Variants in WDR89 observed in about 807,000 individuals in gnomAD.
WDR89 encodes the protein WD repeat-containing protein 89.
Under a neutral mutation model 29.1 loss-of-function variants are expected in WDR89, and 17 were observed. The ratio of observed to expected loss-of-function variants is 0.58; its 90% CI spans 0.40 to 0.88. The LOEUF is 0.88. Ranked by LOEUF, WDR89 falls within the 40% of genes least tolerant of loss-of-function variation. The pLI, the probability that WDR89 is intolerant of heterozygous loss-of-function variation, is 0.00. For missense variants in WDR89, 396 were observed against 456.3 expected, an observed-to-expected ratio of 0.87 and a Z score of 1.20; for synonymous variants, 138 against 157.8, an observed-to-expected ratio of 0.87 and a Z score of 0.94.
At chr14:63,640,794 A>G (rs1403124640) in intron 1 of WDR89, among the ~76,000 whole-genome samples, 1 of 149,620 alleles carries the variant, frequency 6.7e-6, no homozygotes, top group Non-Finnish European at 1.5e-5. Flanking sequence ...ACTTTAAATA[A>G]TTTCAAATTA....
rs1381103677 is a variant in WDR89, at chr14:63,597,073, A to C, written c.*1706T>G. ...AAGGAAAGTGTTTAATTGACTGAAG[A>C]GTTCAGCATGGCCAGGGAGGCCTCA... On this transcript the variant is annotated 3_prime_UTR_variant, in exon 3 of 3. Coordinates refer to ENST00000620954, the MANE Select transcript of WDR89 (RefSeq NM_080666.4). 6.6e-6 allele frequency: 1 copy of C among 152,218 alleles called. No homozygotes were observed. Among genetic ancestry groups the C allele is most frequent in the Non-Finnish European group, 1.5e-5 (1 of 68,042 alleles). 9.4% of individuals were successfully genotyped at this position (152,218 alleles called of 1,614,324 possible).
intron 2 of WDR89, among the ~76,000 whole-genome samples, chr14:63,620,180 G>C (rs2139537337): frequency 6.6e-6 from 1 of 152,172 alleles, no homozygotes; most frequent in East Asian, 1.9e-4. Flanking sequence ...AGCCGAGCGT[G>C]GTGGTGTGCA....
chr14:63,620,024 A>AAAAC (rs1882593190), intron 2 of WDR89, among the ~76,000 whole-genome samples: 2 of 151,100 alleles, frequency 1.3e-5, no homozygotes, highest in South Asian at 4.2e-4. Context: ...AAAAAAAAAA[A>AAAAC]GAAAAAGAAG....
chr14:63,598,712 A>G lies in WDR89; in HGVS notation c.*67T>C. ...ACATAAAGCTTTAAACATGTCTACCATGGGTAGTAAACAAGAAGGACTATT... is the reference window on the plus strand; with the variant it reads ...ACATAAAGCTTTAAACATGTCTACCGTGGGTAGTAAACAAGAAGGACTATT... On this transcript the variant is annotated 3_prime_UTR_variant, in exon 3 of 3. Coordinates refer to ENST00000620954, the MANE Select transcript of WDR89 (RefSeq NM_080666.4). The G allele has an allele frequency of 1.4e-6, 2 of 1,384,134 alleles. No homozygotes were observed. Among genetic ancestry groups the G allele is most frequent in the Non-Finnish European group, 1.9e-6 (2 of 1,038,050 alleles). 85.7% of individuals were successfully genotyped at this position (1,384,134 alleles called of 1,614,324 possible). A position where few individuals can be genotyped will look rare whatever the true frequency, so the allele number is the denominator to read the frequency against.
Position 63,598,311 on chromosome 14 carries a change from C to T in WDR89, c.*468G>A, listed in dbSNP as rs144217765. ...TTCTATTTACTCATTAAAATACTTA[C>T]ATTTAAATACTCCAGCATAATACAT... On this transcript the variant is annotated 3_prime_UTR_variant, in exon 3 of 3. Coordinates refer to ENST00000620954, the MANE Select transcript of WDR89 (RefSeq NM_080666.4). The T allele has an allele frequency of 6.6e-6, 1 of 152,536 alleles. No homozygotes were observed. The highest frequency in any genetic ancestry group is 2.4e-5 in the African/African-American group (1 of 41,574). The allele number at this position is 152,536 out of a possible 1,614,324, so 9.4% of individuals were successfully genotyped here.
chr14:63,611,182 C>G (rs1161499916), intron 2 of WDR89, among the ~76,000 whole-genome samples: 1 of 151,616 alleles, frequency 6.6e-6, no homozygotes, highest in African/African-American at 2.4e-5. Flanking sequence ...ACTAAAAACA[C>G]AAAAATTAGC....
At chr14:63,631,682 C>G (rs955284060) in intron 1 of WDR89, among the ~76,000 whole-genome samples, 1 of 152,124 alleles carries the variant, frequency 6.6e-6, no homozygotes, top group African/African-American at 2.4e-5. Context: ...GCCACCACAC[C>G]TGGCCAGAGA....
chr14:63,602,543 C>T (rs542881073), intron 2 of WDR89, among the ~76,000 whole-genome samples: 3 of 148,438 alleles, frequency 2.0e-5, no homozygotes, highest in Admixed American at 6.7e-5. Context: ...GAGGCCAAGG[C>T]GGGCAGATCA....
chr14:63,608,828 C>T (rs1240903675), intron 2 of WDR89, among the ~76,000 whole-genome samples: 1 of 151,940 alleles, frequency 6.6e-6, no homozygotes, highest in Non-Finnish European at 1.5e-5. Context: ...GGGTGCGGTG[C>T]CTCGGTGGCT....
At chr14:63,641,213 T>C (rs1477013363) in intron 1 of WDR89, 2 of 152,302 alleles carry the variant, frequency 1.3e-5, no homozygotes, top group East Asian at 3.9e-4. Flanking sequence ...ATGCCACAAT[T>C]TGTCAGAGAC....
Position 63,599,754 on chromosome 14 carries a change from T to C in WDR89, c.189A>G (p.Leu63=), listed in dbSNP as rs774708081. Residue 63 remains leucine (L), a synonymous_variant, in exon 3 of 3, where the codon CTA becomes CTG. Coordinates refer to ENST00000620954, the MANE Select transcript of WDR89 (RefSeq NM_080666.4). ...GTCCAGGATATCCACTAAATTCTCG[T>C]AGTACATTTAACCTTTCTTTATCAT... ...RIYDKERLNV[L]REFSGYPGLL... is the part of the protein sequence containing the mutation. The C allele has an allele frequency of 8.7e-6, 14 of 1,610,056 alleles. No individual in the cohort carries two copies. The Admixed American group carries it at 2.2e-4, about 25-fold the overall frequency.
intron 2 of WDR89, among the ~76,000 whole-genome samples, chr14:63,607,957 C>A (rs1448778958): frequency 6.6e-6 from 1 of 151,452 alleles, no homozygotes; most frequent in African/African-American, 2.4e-5. Context: ...CCTGTAATCC[C>A]AACACTTTGG....
intron 2 of WDR89, among the ~76,000 whole-genome samples, chr14:63,621,554 C>T (rs988024715): frequency 2.0e-5 from 3 of 151,880 alleles, no homozygotes; most frequent in African/African-American, 4.8e-5. Flanking sequence ...GATGAGATCA[C>T]ACGATTGCAC....
At chr14:63,635,416 C>A (rs1187933078) in intron 1 of WDR89, among the ~76,000 whole-genome samples, 1 of 152,118 alleles carries the variant, frequency 6.6e-6, no homozygotes, top group Admixed American at 6.6e-5. Context: ...AAGCATTTGA[C>A]AAAATCCAGC....
At chr14:63,628,442 A>G (rs1883203971) in intron 1 of WDR89, among the ~76,000 whole-genome samples, 1 of 152,222 alleles carries the variant, frequency 6.6e-6, no homozygotes, top group Admixed American at 6.5e-5. Flanking sequence ...TAACAAGAAA[A>G]TTGGCAAGCT....
Position 63,639,734 on chromosome 14 carries a change from TA to T in WDR89, c.-138+2069del, listed in dbSNP as rs200485660. Among the ~76,000 whole-genome samples, 857 of 152,190 alleles carry T rather than the reference TA, an allele frequency of 5.6e-3. 9 individuals carry two copies. Among genetic ancestry groups the T allele is most frequent in the African/African-American group, 0.02 (810 of 41,500 alleles). On this transcript the variant is annotated intron_variant, in intron 1 of 2. Transcript: ENST00000620954. ...TTCTTTAAAGCACATAGGGAAAAAG[TA>T]AAAAAGCAGTAGCATCTTCAGTCGT...
At chr14:63,617,151 G>A (rs1036738487) in intron 2 of WDR89, among the ~76,000 whole-genome samples, 38 of 148,582 alleles carry the variant, frequency 2.6e-4, no homozygotes, top group Non-Finnish European at 4.1e-4. Context: ...CGCGATCTCG[G>A]CTCACTACAA....
At chr14:63,608,699 A>ACAG (rs1566791813) in intron 2 of WDR89, among the ~76,000 whole-genome samples, 3 of 133,754 alleles carry the variant, frequency 2.2e-5, no homozygotes, top group African/African-American at 9.5e-5. Context: ...CACACACACA[A>ACAG]ATAGGTTTAA....
chr14:63,613,492 T>C lies in WDR89; in HGVS notation c.-32+11436A>G, dbSNP rs553022567. 6.2e-4 allele frequency among the ~76,000 whole-genome samples: 94 copies of C among 151,798 alleles called. 1 individual carries two copies. Among genetic ancestry groups the C allele is most frequent in the Admixed American group, 1.8e-3 (27 of 15,234 alleles). ...TTTTTTGTGTATTCCAGCTCTTTTT[T>C]ATACTGCTGAATTTTTTTTTTTTTT... On this transcript the variant is annotated intron_variant, in intron 2 of 2. Coordinates refer to ENST00000620954, the MANE Select transcript of WDR89 (RefSeq NM_080666.4).
Sources: gnomAD v4.1 joint callset for allele counts (sites outside exome capture counted in the v4.1 genomes callset) on GRCh38, gnomAD v4.1.1 for gene constraint, MANE v1.5 for transcripts, NCBI Gene and HGNC (gene_info 2026-07-23, HGNC 2026-07-21) for gene names.